ANKRD26: variants seen among roughly 807,000 people sequenced by gnomAD.
The protein encoded by ANKRD26 is ankyrin repeat domain 26, also known as ankyrin repeat domain-containing protein 26.
A neutral mutation model predicts 208.7 loss-of-function variants in ANKRD26; 141 were observed. The ratio of observed to expected loss-of-function variants is 0.68; its 90% CI spans 0.59 to 0.78. ANKRD26 has a LOEUF of 0.78. ANKRD26 is among the 30% of genes least tolerant of loss of function. The pLI is 0.00. For synonymous variants in ANKRD26, 636 were observed against 660.4 expected (o/e 0.96, Z 0.57); for missense variants, 1,889 against 1,938.7 (o/e 0.97, Z 0.48).
chr10:27,017,507 A>G lies in ANKRD26; in HGVS notation c.4501T>C (p.Leu1501=), dbSNP rs545452051. 6.2e-7 allele frequency: 1 copy of G among 1,613,384 alleles called. No individual in the cohort carries two copies. The highest frequency in any genetic ancestry group is 1.3e-5 in the African/African-American group (1 of 75,040). Residue 1501 remains leucine, a synonymous_variant, in exon 30 of 34, where the codon TTA becomes CTA. Transcript: ENST00000376087. Reference sequence around the variant, plus strand: ...CACACTACACATAAGCTAACCTGTAAAAATAGATTGACTTCTTTTAATTTT... The same window carrying G: ...CACACTACACATAAGCTAACCTGTAGAAATAGATTGACTTCTTTTAATTTT... ...AEKLKEVNLF[L]QAQAASQENL...
At chr10:27,080,319 A>G (rs2055861385) in intron 6 of ANKRD26, 1 of 152,594 alleles carries the variant, frequency 6.6e-6, no homozygotes, top group Admixed American at 6.5e-5. Flanking sequence ...AAACCACTTA[A>G]GGCCTCATTG....
chr10:26,991,633 G>A (rs1229827543), downstream of ANKRD26, among the ~76,000 whole-genome samples: 1 of 152,182 alleles, frequency 6.6e-6, no homozygotes, highest in East Asian at 1.9e-4. Flanking sequence ...GTAAAGACGA[G>A]GTTCTCCTTT....
chr10:26,950,093 C>G, the ANKRD26 span, among the ~76,000 whole-genome samples: 2 of 152,174 alleles, frequency 1.3e-5, no homozygotes, highest in East Asian at 1.9e-4. Context: ...TGGTTTGGCT[C>G]TATGTCCCCA....
intron 27 of ANKRD26, among the ~76,000 whole-genome samples, chr10:27,027,573 A>G (rs191734721): frequency 6.6e-6 from 1 of 152,324 alleles, no homozygotes; most frequent in Admixed American, 6.5e-5. Context: ...TTAGTCTATC[A>G]TAATCTTTTT....
the ANKRD26 span, among the ~76,000 whole-genome samples, chr10:26,968,738 T>A: frequency 6.6e-6 from 1 of 152,212 alleles, no homozygotes; most frequent in Non-Finnish European, 1.5e-5. Context: ...AGCCTTAAAT[T>A]GAGAAGCTTG....
chr10:27,062,100 C>T (rs994732029), intron 12 of ANKRD26: 6 of 985,204 alleles, frequency 6.1e-6, no homozygotes, highest in African/African-American at 1.7e-5. Flanking sequence ...TCCCCACTCA[C>T]GATCTCTCTT....
chr10:27,046,777 C>T (rs947922821), intron 17 of ANKRD26, among the ~76,000 whole-genome samples: 3 of 151,986 alleles, frequency 2.0e-5, no homozygotes, highest in African/African-American at 4.8e-5. Context: ...GCTTCAAAAA[C>T]CATAATTTTA....
In ANKRD26 at chr10:27,093,585, G is replaced by A. The variant is rs879224010; in HGVS notation, c.358-63C>T. 21 of 1,601,122 alleles carry A rather than the reference G, an allele frequency of 1.3e-5. No individual in the cohort carries two copies. In the South Asian group the frequency reaches 2.1e-4, roughly 16 times the overall value. ...AGGAATGCAAAATAAACACTCCACA[G>A]GTTTCACCAATTAGTTATATTTTAA... On this transcript the variant is annotated intron_variant, in intron 2 of 33. Coordinates refer to ENST00000376087, the MANE Select transcript of ANKRD26 (RefSeq NM_014915.3).
chr10:27,053,487 T>C, intron 15 of ANKRD26, 97 bp from the exon 16 acceptor site: 1 of 874,814 alleles, frequency 1.1e-6, no homozygotes, highest in Non-Finnish European at 1.7e-6. Context: ...TTATTTTATT[T>C]TATAAATCGA....
intron 6 of ANKRD26, 69 bp downstream of exon 6, chr10:27,082,734 T>G: frequency 1.3e-6 from 2 of 1,519,942 alleles, no homozygotes; most frequent in Non-Finnish European, 8.8e-7. Flanking sequence ...CTACCCAGAG[T>G]AGGGCACTCA....
downstream of ANKRD26, among the ~76,000 whole-genome samples, chr10:26,987,101 T>TA (rs1273684330): frequency 1.2e-4 from 18 of 152,096 alleles, no homozygotes; most frequent in Non-Finnish European, 1.9e-4. Context: ...TATGCAGCCA[T>TA]AAAAAATGAT....
At chr10:26,959,906 G>T in the ANKRD26 span, among the ~76,000 whole-genome samples, 1 of 152,078 alleles carries the variant, frequency 6.6e-6, no homozygotes, top group African/African-American at 2.4e-5. Context: ...TATGTTTTAT[G>T]GCTGATTAAA....
intron 19 of ANKRD26, among the ~76,000 whole-genome samples, chr10:27,043,847 A>G (rs1838432358): frequency 6.6e-6 from 1 of 151,736 alleles, no homozygotes; most frequent in Non-Finnish European, 1.5e-5. Flanking sequence ...GCTGGAGTGC[A>G]GTATCGTGAC....
Position 27,062,373 on chromosome 10 carries a change from T to C in ANKRD26, c.1364-1131A>G, listed in dbSNP as rs140452885. ...TCTTTCAGATTTCTCAAAAAGGAAG[T>C]CTATACCCTTGTTACTCAGAGTGTG... On this transcript the variant is annotated intron_variant, in intron 12 of 33. Coordinates refer to ENST00000376087, the MANE Select transcript of ANKRD26 (RefSeq NM_014915.3). 8.4e-3 allele frequency: 2,819 copies of C among 335,580 alleles called. 18 individuals carry two copies. Among genetic ancestry groups the C allele is most frequent in the Middle Eastern group, 0.013 (9 of 702 alleles). The allele number at this position is 335,580 out of a possible 1,614,324, so 20.8% of individuals were successfully genotyped here. A position where few individuals can be genotyped will look rare whatever the true frequency, so the allele number is the denominator to read the frequency against.
chr10:27,017,806 A>G lies in ANKRD26; in HGVS notation c.4216-14T>C. The G allele has an allele frequency of 6.2e-7, 1 of 1,608,714 alleles. No individual in the cohort carries two copies. The highest frequency in any genetic ancestry group is 8.5e-7 in the Non-Finnish European group (1 of 1,178,630). The stretch of plus-strand genomic sequence containing the variant: ...AAGATCATCAATCTGAATGAAGACA[A>G]TAATATAGTGTAATAATGAAGGAAG... On this transcript the variant is annotated splice_polypyrimidine_tract_variant and intron_variant, in intron 29 of 33. Transcript: ENST00000376087.
the ANKRD26 span, among the ~76,000 whole-genome samples, chr10:26,965,051 A>G: frequency 2.0e-5 from 3 of 152,156 alleles, no homozygotes; most frequent in Admixed American, 6.6e-5. Flanking sequence ...AGCTTGGGTC[A>G]GGGACAAGGT....
chr10:26,973,205 T>C (rs772400514), downstream of ANKRD26, among the ~76,000 whole-genome samples: 1 of 152,204 alleles, frequency 6.6e-6, no homozygotes, highest in Non-Finnish European at 1.5e-5. Context: ...GAAAAGTGTA[T>C]TAAAATTCTA....
At chr10:26,958,871 T>C in the ANKRD26 span, among the ~76,000 whole-genome samples, 31 of 152,320 alleles carry the variant, frequency 2.0e-4, no homozygotes, top group East Asian at 4.0e-3. Context: ...CTCTGGTTCT[T>C]TGAGGAATCA....
chr10:26,971,675 C>CAAAAA (rs1170237211), downstream of ANKRD26, among the ~76,000 whole-genome samples: 3 of 89,440 alleles, frequency 3.4e-5, no homozygotes, highest in Admixed American at 1.2e-4. Context: ...GACCATGTCT[C>CAAAAA]AAAAAAAAAA....
Sources: gnomAD v4.1 joint callset for allele counts (sites outside exome capture counted in the v4.1 genomes callset) on GRCh38, gnomAD v4.1.1 for gene constraint, MANE v1.5 for transcripts, NCBI Gene and HGNC (gene_info 2026-07-23, HGNC 2026-07-21) for gene names.